Variants in CCDC171 observed in about 807,000 individuals in gnomAD.
CCDC171 encodes coiled-coil domain containing 171.
In CCDC171, 177 loss-of-function variants were observed where a neutral mutation model predicts 168.2. The observed-to-expected ratio is 1.05, with a 90% CI of 0.93 to 1.19. The LOEUF (loss-of-function observed/expected upper bound fraction) is 1.19. Among genes scored for constraint, CCDC171 ranks in the 50% most tolerant of loss-of-function variants. The pLI is 0.00. For synonymous variants in CCDC171, 687 were observed against 540.8 expected, an observed-to-expected ratio of 1.27 and a Z score of -3.75; for missense variants, 1,991 against 1,539.0, an observed-to-expected ratio of 1.29 and a Z score of -4.91.
chr9:15,867,823 G>GT (rs2061855956), intron 23 of CCDC171, among the ~76,000 whole-genome samples: 1 of 152,046 alleles, frequency 6.6e-6, no homozygotes, highest in African/African-American at 2.4e-5. Context: ...GTGTGGATGA[G>GT]TGTTATCAAT....
At chr9:15,862,581 G>C (rs945765409) in intron 23 of CCDC171, among the ~76,000 whole-genome samples, 2 of 150,274 alleles carry the variant, frequency 1.3e-5, no homozygotes, top group African/African-American at 4.9e-5. Context: ...ATGTTTCTCT[G>C]TTTTTTCATT....
chr9:15,790,956 A>G (rs965350616), intron 21 of CCDC171, among the ~76,000 whole-genome samples: 1 of 152,224 alleles, frequency 6.6e-6, no homozygotes, highest in African/African-American at 2.4e-5. Flanking sequence ...ATTGGTCTAT[A>G]TCTCTGTTTT....
intron 11 of CCDC171, among the ~76,000 whole-genome samples, chr9:15,701,714 ACT>A (rs780674955): frequency 1.5e-4 from 23 of 151,774 alleles, no homozygotes; most frequent in Middle Eastern, 3.4e-3. Context: ...ATTGTCTCAG[ACT>A]CTGCTGCTGG....
intron 7 of CCDC171, among the ~76,000 whole-genome samples, chr9:15,638,391 T>G (rs1406736953): frequency 6.6e-6 from 1 of 152,082 alleles, no homozygotes; most frequent in Non-Finnish European, 1.5e-5. Flanking sequence ...TACACTCAAT[T>G]GCGGAGACAA....
chr9:15,634,672 A>G (rs1025848888), intron 7 of CCDC171, among the ~76,000 whole-genome samples: 1 of 152,202 alleles, frequency 6.6e-6, no homozygotes, highest in Non-Finnish European at 1.5e-5. Context: ...CATATTATAA[A>G]TTTGTCCATT....
chr9:15,861,534 G>A (rs934548371), intron 23 of CCDC171, among the ~76,000 whole-genome samples: 3 of 151,330 alleles, frequency 2.0e-5, no homozygotes, highest in African/African-American at 7.3e-5. Context: ...ACTTATATGG[G>A]TATTTTGTTT....
chr9:16,006,366 C>T (rs1394452317), intron 3 of CCDC171, among the ~76,000 whole-genome samples: 1 of 152,168 alleles, frequency 6.6e-6, no homozygotes, highest in Non-Finnish European at 1.5e-5. Flanking sequence ...AGCATGTTTT[C>T]ATGTGTTTAT....
At chr9:15,702,092 T>C (rs563211796) in intron 11 of CCDC171, among the ~76,000 whole-genome samples, 3 of 152,340 alleles carry the variant, frequency 2.0e-5, no homozygotes, top group African/African-American at 7.2e-5. Context: ...ATCTCAGAGC[T>C]CTTGGGTGAC....
At chr9:15,822,545 A>G (rs539148322) in intron 21 of CCDC171, among the ~76,000 whole-genome samples, 54 of 152,332 alleles carry the variant, frequency 3.5e-4, no homozygotes, top group African/African-American at 1.3e-3. Context: ...GACACTTCTC[A>G]AAAGAAGACA....
intron 6 of CCDC171, among the ~76,000 whole-genome samples, chr9:16,023,819 TC>T (rs1446712851): frequency 2.6e-5 from 4 of 151,988 alleles, no homozygotes; most frequent in Non-Finnish European, 5.9e-5. Flanking sequence ...TATGTCTATT[TC>T]AGACAGAATA....
intron 4 of CCDC171, among the ~76,000 whole-genome samples, chr9:15,590,659 C>G (rs1213210985): frequency 6.6e-6 from 1 of 152,176 alleles, no homozygotes; most frequent in East Asian, 1.9e-4. Flanking sequence ...AGATGTGTTA[C>G]AACTAGTTTG....
At chr9:15,669,534 G>T (rs547215098) in intron 9 of CCDC171, among the ~76,000 whole-genome samples, 1 of 151,914 alleles carries the variant, frequency 6.6e-6, no homozygotes, top group Admixed American at 6.6e-5. Context: ...GTTAACTATA[G>T]TTGCCCTGTT....
chr9:16,096,355 C>T, the CCDC171 span, among the ~76,000 whole-genome samples: 3 of 152,170 alleles, frequency 2.0e-5, no homozygotes, highest in Non-Finnish European at 2.9e-5. Context: ...CCAATTACCC[C>T]ACACCTCTGC....
chr9:15,770,675 C>G (rs1289837997), intron 18 of CCDC171, among the ~76,000 whole-genome samples: 4 of 152,092 alleles, frequency 2.6e-5, no homozygotes, highest in African/African-American at 9.7e-5. Flanking sequence ...AACACAATTC[C>G]CTTATACATA....
chr9:16,023,330 A>G (rs1833212015), intron 6 of CCDC171, among the ~76,000 whole-genome samples: 2 of 152,316 alleles, frequency 1.3e-5, no homozygotes, highest in Middle Eastern at 3.4e-3. Flanking sequence ...TTAGTATAGC[A>G]AAATGATTAA....
chr9:15,646,700 ACTAT>A (rs759725559), intron 7 of CCDC171, among the ~76,000 whole-genome samples: 40 of 152,208 alleles, frequency 2.6e-4, no homozygotes, highest in Non-Finnish European at 5.1e-4. Flanking sequence ...AGAAGAGCTA[ACTAT>A]CCTAAATATA....
At chr9:15,781,862 C>T (rs560042314) in intron 20 of CCDC171, among the ~76,000 whole-genome samples, 2 of 152,176 alleles carry the variant, frequency 1.3e-5, no homozygotes, top group African/African-American at 4.8e-5. Flanking sequence ...AATTATCTCA[C>T]ATACTATTAT....
At chr9:15,651,331 AC>A (rs757186992) in intron 7 of CCDC171, among the ~76,000 whole-genome samples, 1 of 150,142 alleles carries the variant, frequency 6.7e-6, no homozygotes, top group Non-Finnish European at 1.5e-5. Flanking sequence ...CTGGTCTTGA[AC>A]TCCTGACCTC....
At chr9:15,717,782 T>C (rs1477771173) in intron 11 of CCDC171, among the ~76,000 whole-genome samples, 2 of 151,888 alleles carry the variant, frequency 1.3e-5, no homozygotes, top group East Asian at 3.9e-4. Flanking sequence ...CCTGGCAGGA[T>C]TCATCACCTA....
Sources: gnomAD v4.1 joint callset for allele counts (sites outside exome capture counted in the v4.1 genomes callset) on GRCh38, gnomAD v4.1.1 for gene constraint, MANE v1.5 for transcripts, NCBI Gene and HGNC (gene_info 2026-07-23, HGNC 2026-07-21) for gene names.